HUWE1: variants seen among roughly 807,000 people sequenced by gnomAD.
HUWE1 encodes E3 ubiquitin-protein ligase HUWE1.
Under a neutral mutation model 299.4 loss-of-function variants are expected in HUWE1, and 18 were observed. The observed-to-expected ratio is 0.06, with a 90% CI of 0.04 to 0.09. HUWE1 has a LOEUF of 0.09. Ranked by LOEUF, HUWE1 falls within the 10% of genes least tolerant of loss-of-function variation. The pLI is 1.00. For synonymous variants in HUWE1, 1,317 were observed against 1,286.1 expected (o/e 1.02, Z -0.51); for missense variants, 1,832 against 3,462.3 (o/e 0.53, Z 11.82).
intron 21 of HUWE1, among the ~76,000 whole-genome samples, chrX:53,616,228 T>A (rs1460346241): frequency 9.8e-6 from 1 of 102,506 alleles, no homozygotes; most frequent in African/African-American, 3.5e-5. Context: ...TTTTTTCCTA[T>A]TTTTTTTTTT....
chrX:53,546,131 C>T (rs2061531901), intron 70 of HUWE1, among the ~76,000 whole-genome samples: 1 of 111,228 alleles, frequency 9.0e-6, no homozygotes, highest in South Asian at 3.8e-4. Flanking sequence ...TTACGAGTGC[C>T]CAGCATGGAG....
chrX:53,538,742 T>A (rs2061202079), intron 76 of HUWE1, 93 bp downstream of exon 76: 1 of 893,072 alleles, frequency 1.1e-6, no homozygotes, highest in African/African-American at 2.0e-5. Context: ...TCTCTCTCTC[T>A]CTCTCTCTCT....
chrX:53,552,051 A>G (rs2061789400), intron 63 of HUWE1, among the ~76,000 whole-genome samples: 1 of 111,843 alleles, frequency 8.9e-6, no homozygotes, highest in Non-Finnish European at 1.9e-5. Context: ...ATCATTCATG[A>G]TCACAGAAAT....
chrX:53,593,705 C>T, intron 31 of HUWE1, 104 bp from the exon 32 acceptor site: 1 of 582,991 alleles, frequency 1.7e-6, no homozygotes, highest in South Asian at 2.5e-5. Flanking sequence ...CCTACACGTC[C>T]CTCTTCTTAG....
intron 68 of HUWE1, among the ~76,000 whole-genome samples, chrX:53,547,284 C>A (rs2061580060): frequency 8.9e-6 from 1 of 112,055 alleles, no homozygotes. Flanking sequence ...TCCTGCCCGC[C>A]CTTGAACTAT....
chrX:53,575,373 GGGAGGCTATTATAAATAC>G, intron 45 of HUWE1, 152 bp from the exon 46 acceptor site: 1 of 519,220 alleles, frequency 1.9e-6, no homozygotes, highest in Admixed American at 2.9e-5. Flanking sequence ...TATAATCTGT[GGGAGGCTATTATAAATAC>G]AGTGACTGGG....
intron 43 of HUWE1, among the ~76,000 whole-genome samples, chrX:53,580,188 T>C (rs1556965770): frequency 9.0e-6 from 1 of 110,980 alleles, no homozygotes; most frequent in Non-Finnish European, 1.9e-5. Flanking sequence ...ACCATTATAA[T>C]ACCCCCCAAA....
intron 67 of HUWE1, 133 bp from the exon 68 acceptor site, chrX:53,548,406 A>C (rs2061635507): frequency 1.3e-6 from 1 of 762,378 alleles, no homozygotes; most frequent in Non-Finnish European, 1.9e-6. Flanking sequence ...TATGTCATAT[A>C]AGAGTTTTAT....
chrX:53,551,249 C>A lies in HUWE1; in HGVS notation c.9096+17G>T, dbSNP rs1463157812. The A allele has an allele frequency of 3.3e-6, 4 of 1,208,567 alleles. No individual in the cohort carries two copies. Among genetic ancestry groups the A allele is most frequent in the Non-Finnish European group, 4.5e-6 (4 of 894,355 alleles). On this transcript the variant is annotated intron_variant, in intron 64 of 83. Coordinates refer to ENST00000262854, the MANE Select transcript of HUWE1 (RefSeq NM_031407.7). Reference sequence around the variant, plus strand: ...CCTGCCAGGCAGCCTGGCCCCACCACCTTCCCGCTCACATACTTCCTCCTG... The same window carrying A: ...CCTGCCAGGCAGCCTGGCCCCACCAACTTCCCGCTCACATACTTCCTCCTG...
Position 53,628,190 on chromosome X carries a change from C to T in HUWE1, c.1242+303G>A, listed in dbSNP as rs999060414. On this transcript the variant is annotated intron_variant, in intron 15 of 83. Coordinates refer to ENST00000262854, the MANE Select transcript of HUWE1 (RefSeq NM_031407.7). ...CAACACAACTTACAAAGTACCCTGA[C>T]ATATATTTTCCCTATGGTTGTGTAA... 6.3e-5 allele frequency among the ~76,000 whole-genome samples: 7 copies of T among 110,964 alleles called. No homozygotes were observed. The Admixed American group carries it at 6.7e-4, about 11-fold the overall frequency.
chrX:53,569,918 T>G, intron 47 of HUWE1, 91 bp from the exon 48 acceptor site: 1 of 772,742 alleles, frequency 1.3e-6, no homozygotes. Context: ...ACATAGTATT[T>G]CCTTAAGTCA....
intron 3 of HUWE1, among the ~76,000 whole-genome samples, chrX:53,675,065 C>T (rs2069748124): frequency 9.0e-6 from 1 of 111,258 alleles, no homozygotes; most frequent in Non-Finnish European, 1.9e-5. Flanking sequence ...AGTGATATAC[C>T]CTAGGCCCAC....
At position 53,532,141 on chromosome X, in the gene HUWE1, T is replaced by G. The variant is rs782385503; in HGVS notation, c.*1168A>C. The stretch of plus-strand genomic sequence containing the variant: ...TAAATTTTTATTAAATTATTTTTTC[T>G]TTGAAGGCTGGAACCATCGAAGTCC... On this transcript the variant is annotated 3_prime_UTR_variant, in exon 84 of 84. Transcript: ENST00000262854. 2.7e-5 allele frequency: 3 copies of G among 111,542 alleles called. No homozygotes were observed. Among genetic ancestry groups the G allele is most frequent in the Admixed American group, 1.9e-4 (2 of 10,495 alleles). 9.2% of individuals were successfully genotyped at this position (111,542 alleles called of 1,213,427 possible).
In HUWE1 at chrX:53,548,067, G is replaced by A. The variant is rs782459089; in HGVS notation, c.10242C>T (p.Ser3414=). Residue 3414 remains serine (S), a synonymous_variant, in exon 68 of 84, where the codon AGC becomes AGT. Coordinates refer to ENST00000262854, the MANE Select transcript of HUWE1 (RefSeq NM_031407.7). The part of the protein sequence containing the change: ...GKNSVKSVPV[S]AGGEGETSPY... The stretch of plus-strand genomic sequence containing the variant: ...GAGAGGTTTCCCCCTCACCGCCAGC[G>A]CTCACTGGCACTGACTTCACGGAGT... 10 of 1,207,950 alleles carry A rather than the reference G, an allele frequency of 8.3e-6. No homozygotes were observed. Among genetic ancestry groups the A allele is most frequent in the African/African-American group, 5.2e-5 (3 of 57,185 alleles).
intron 17 of HUWE1, chrX:53,626,076 G>T: frequency 5.7e-6 from 2 of 349,695 alleles, no homozygotes; most frequent in Admixed American, 3.3e-5. Context: ...TAGAATAAAA[G>T]GTACCACAAA....
chrX:53,611,985 G>A (rs1383132918), intron 23 of HUWE1, among the ~76,000 whole-genome samples: 2 of 112,004 alleles, frequency 1.8e-5, no homozygotes, highest in African/African-American at 6.5e-5. Context: ...GGATATGGAG[G>A]AAGGGATGGG....
At chrX:53,656,542 C>CAAAAA (rs1275218246) in intron 3 of HUWE1, among the ~76,000 whole-genome samples, 3 of 13,736 alleles carry the variant, frequency 2.2e-4, no homozygotes, top group African/African-American at 6.7e-4. Context: ...ACTCCAGTCT[C>CAAAAA]AAAAAAAAAA....
At chrX:53,625,883 A>AGGGCCGGTGCCG in intron 17 of HUWE1, 1 of 311,259 alleles carries the variant, frequency 3.2e-6, no homozygotes, top group Non-Finnish European at 6.4e-6. Flanking sequence ...GGCCGGGGCC[A>AGGGCCGGTGCCG]GGGCCGGTGC....
intron 43 of HUWE1, 24 bp from the exon 44 acceptor site, chrX:53,577,091 AC>A: frequency 8.7e-7 from 1 of 1,145,398 alleles, no homozygotes; most frequent in Non-Finnish European, 1.2e-6. Flanking sequence ...AGAGAGAAAA[AC>A]CAGTCAATCA....
Sources: gnomAD v4.1 joint callset for allele counts (sites outside exome capture counted in the v4.1 genomes callset) on GRCh38, gnomAD v4.1.1 for gene constraint, MANE v1.5 for transcripts, NCBI Gene and HGNC (gene_info 2026-07-23, HGNC 2026-07-21) for gene names.